Variants in SMARCA2 observed in about 807,000 individuals in gnomAD.
SMARCA2 encodes SWI/SNF-related matrix-associated actin-dependent regulator of chromatin subfamily A member 2.
SMARCA2 carries 61 observed loss-of-function variants against 199.8 expected under a neutral mutation model. The ratio of observed to expected loss-of-function variants is 0.31; its 90% CI spans 0.25 to 0.38. SMARCA2 has a LOEUF of 0.38. SMARCA2 is among the 10% of genes least tolerant of loss of function. The probability of loss-of-function intolerance (pLI) is 1.00; values close to 1 mark genes in which losing one functional copy is unlikely to be tolerated. For missense variants in SMARCA2, 1,344 were observed against 2,012.2 expected (o/e 0.67, Z 6.35); for synonymous variants, 935 against 732.0 (o/e 1.28, Z -4.48).
chr9:2,188,949 C>G (rs779691775), intron 32 of SMARCA2, among the ~76,000 whole-genome samples: 2 of 152,180 alleles, frequency 1.3e-5, no homozygotes, highest in Non-Finnish European at 2.9e-5. Context: ...CCCCTTGTTC[C>G]AACTTTAAAG....
At chr9:2,185,115 C>A (rs978615596) in intron 31 of SMARCA2, among the ~76,000 whole-genome samples, 3 of 151,954 alleles carry the variant, frequency 2.0e-5, no homozygotes, top group Non-Finnish European at 2.9e-5. Context: ...CTTTGATGGG[C>A]AACAGATCTT....
At chr9:2,073,406 G>T (rs1248174945) in intron 11 of SMARCA2, 64 bp downstream of exon 11, 1 of 1,596,388 alleles carries the variant, frequency 6.3e-7, no homozygotes, top group Admixed American at 1.7e-5. Context: ...AATCTTGTAC[G>T]ATCTCGAAAC....
intron 9 of SMARCA2, among the ~76,000 whole-genome samples, chr9:2,062,760 TG>T (rs1820658012): frequency 6.6e-6 from 1 of 151,974 alleles, no homozygotes; most frequent in Non-Finnish European, 1.5e-5. Context: ...GGTACAATGG[TG>T]AGGAAAAGCA....
At chr9:2,142,446 TTCTCTC>T (rs972463865) in intron 27 of SMARCA2, among the ~76,000 whole-genome samples, 1 of 151,992 alleles carries the variant, frequency 6.6e-6, no homozygotes. Flanking sequence ...GGATTTGGTA[TTCTCTC>T]TCTCTCTCCT....
chr9:2,041,900 C>T (rs1225426498), intron 4 of SMARCA2: 2 of 152,312 alleles, frequency 1.3e-5, no homozygotes, highest in African/African-American at 4.8e-5. Context: ...CTGGCCTACT[C>T]ATGTGCCATT....
intron 21 of SMARCA2, among the ~76,000 whole-genome samples, chr9:2,100,336 C>T (rs1199420388): frequency 6.6e-6 from 1 of 152,172 alleles, no homozygotes; most frequent in Non-Finnish European, 1.5e-5. Flanking sequence ...AGAAGCTGGA[C>T]ACTTGAGGGG....
At chr9:2,088,636 G>T (rs1821910666) in intron 19 of SMARCA2, 23 bp downstream of exon 19, 2 of 1,545,794 alleles carry the variant, frequency 1.3e-6, no homozygotes, top group Non-Finnish European at 1.8e-6. Context: ...ACCAAAAGTT[G>T]TGGGTTTTTT....
At chr9:2,049,990 A>T (rs191231474) in intron 5 of SMARCA2, among the ~76,000 whole-genome samples, 3 of 152,334 alleles carry the variant, frequency 2.0e-5, no homozygotes, top group African/African-American at 4.8e-5. Flanking sequence ...TCTTGAACAG[A>T]TGTTAATTTC....
intron 27 of SMARCA2, among the ~76,000 whole-genome samples, chr9:2,126,902 G>T (rs552260425): frequency 3.2e-4 from 49 of 152,320 alleles, no homozygotes; most frequent in African/African-American, 1.2e-3. Context: ...CCTTTGAATA[G>T]AATCTTCTTT....
chr9:2,177,554 ATTTCT>A (rs1826696408), intron 29 of SMARCA2, among the ~76,000 whole-genome samples: 1 of 151,802 alleles, frequency 6.6e-6, no homozygotes, highest in Non-Finnish European at 1.5e-5. Flanking sequence ...CTAGAAGTAG[ATTTCT>A]TTTTTTTTTT....
intron 25 of SMARCA2, among the ~76,000 whole-genome samples, chr9:2,117,776 G>A (rs1472267734): frequency 6.6e-6 from 1 of 152,222 alleles, no homozygotes; most frequent in Non-Finnish European, 1.5e-5. Context: ...CTGCCATCAA[G>A]GCTAGCTGTG....
At chr9:2,162,368 A>G (rs1485757241) in intron 28 of SMARCA2, among the ~76,000 whole-genome samples, 1 of 152,208 alleles carries the variant, frequency 6.6e-6, no homozygotes, top group Admixed American at 6.5e-5. Context: ...TCCTTCCAAC[A>G]CTTGAATTTC....
intron 29 of SMARCA2, among the ~76,000 whole-genome samples, chr9:2,178,438 C>A (rs1327382284): frequency 6.6e-6 from 1 of 151,984 alleles, no homozygotes; most frequent in African/African-American, 2.4e-5. Context: ...TATATTTAGG[C>A]CTTAAATTGT....
At chr9:2,024,072 G>C (rs2130147281) in intron 1 of SMARCA2, among the ~76,000 whole-genome samples, 1 of 152,278 alleles carries the variant, frequency 6.6e-6, no homozygotes, top group African/African-American at 2.4e-5. Flanking sequence ...AGACAGGCTG[G>C]AGATCCAAGA....
chr9:2,104,275 T>TC lies in SMARCA2; in HGVS notation c.3292+106_3292+107insC. The TC allele has an allele frequency of 9.4e-7, 1 of 1,059,994 alleles. No individual in the cohort carries two copies. The highest frequency in any genetic ancestry group is 1.4e-6 in the Non-Finnish European group (1 of 730,414). The allele number at this position is 1,059,994 out of a possible 1,614,324, so 65.7% of individuals were successfully genotyped here. On this transcript the variant is annotated intron_variant, in intron 23 of 33. Coordinates refer to ENST00000349721, the MANE Select transcript of SMARCA2 (RefSeq NM_003070.5). This position sits in a 1 kb window ranked among gnomAD's most constrained non-coding sequence, Gnocchi z 4.0. ...AAAAAGAAGGGGTAAAATTGAAGAA[T>TC]TGACTAGAAGCATTGGGAGCAGTTT... is the stretch of plus-strand genomic sequence containing the variant.
intron 27 of SMARCA2, among the ~76,000 whole-genome samples, chr9:2,145,141 A>G (rs981024749): frequency 5.9e-5 from 9 of 152,088 alleles, no homozygotes; most frequent in Non-Finnish European, 1.3e-4. Context: ...TCTACTAACA[A>G]TACAAAAATT....
intron 27 of SMARCA2, chr9:2,158,940 T>C (rs1434045008): frequency 6.2e-7 from 1 of 1,611,882 alleles, no homozygotes; most frequent in Non-Finnish European, 8.5e-7. Flanking sequence ...TGTAGCTCTC[T>C]GCATTCCTGC....
intron 13 of SMARCA2, among the ~76,000 whole-genome samples, chr9:2,076,927 T>A (rs73389113): frequency 0.018 from 2,682 of 152,210 alleles, 80 homozygotes; most frequent in African/African-American, 0.061. Flanking sequence ...AAAAGAAAAC[T>A]GTTGTGAAAC....
intron 1 of SMARCA2, among the ~76,000 whole-genome samples, chr9:2,026,429 C>CA (rs934175873): frequency 7.3e-5 from 11 of 151,448 alleles, no homozygotes; most frequent in African/African-American, 1.7e-4. Flanking sequence ...TTTCCTTTAG[C>CA]AAAAAAAACG....
Sources: allele counts gnomAD v4.1 joint callset (sites outside exome capture counted in the v4.1 genomes callset), GRCh38; gene constraint gnomAD v4.1.1; non-coding constraint Gnocchi (gnomAD v3.1); transcripts MANE v1.5; gene names NCBI Gene and HGNC (gene_info 2026-07-23, HGNC 2026-07-21).